The following STXBP4 variants were observed in gnomAD, a reference collection of about 807,000 sequenced individuals.
STXBP4 encodes syntaxin binding protein 4, also known as syntaxin-binding protein 4.
STXBP4 carries 55 observed loss-of-function variants against 76.1 expected under a neutral mutation model. The observed-to-expected ratio is 0.72, with a 90% CI of 0.58 to 0.91. STXBP4 has a LOEUF of 0.91. Ranked by LOEUF, STXBP4 falls within the 40% of genes least tolerant of loss-of-function variation. STXBP4 has a pLI of 0.00. For missense variants in STXBP4, 618 were observed against 636.9 expected (o/e 0.97, Z 0.32); for synonymous variants, 201 against 220.2 (o/e 0.91, Z 0.77).
At chr17:54,996,867 T>A (rs1047657130) in intron 4 of STXBP4, among the ~76,000 whole-genome samples, 3 of 152,258 alleles carry the variant, frequency 2.0e-5, no homozygotes, top group African/African-American at 4.8e-5. Context: ...GAAAACTATA[T>A]ACCAAAGTCA....
chr17:55,052,945 G>A lies in STXBP4; in HGVS notation c.1011+5791G>A, dbSNP rs565936324. Among the ~76,000 whole-genome samples, 43 of 142,874 alleles carry A rather than the reference G, an allele frequency of 3.0e-4. 1 individual carries two copies. Among genetic ancestry groups the A allele is most frequent in the South Asian group, 1.2e-3 (5 of 4,196 alleles). 93.7% of individuals were successfully genotyped at this position (142,874 alleles called of 152,430 possible). A position where few individuals can be genotyped will look rare whatever the true frequency, so the allele number is the denominator to read the frequency against. On this transcript the variant is annotated intron_variant, in intron 12 of 17. Coordinates refer to ENST00000376352, the MANE Select transcript of STXBP4 (RefSeq NM_178509.6). ...TGTGTGTGTGTGTGTGTGTGTGTGT[G>A]TGTGTGGGTTGTATTCTTTAGAAAT... is the stretch of plus-strand genomic sequence containing the variant.
chr17:55,106,921 G>T (rs2079642085), intron 16 of STXBP4, among the ~76,000 whole-genome samples: 1 of 152,182 alleles, frequency 6.6e-6, no homozygotes, highest in African/African-American at 2.4e-5. Flanking sequence ...TCTTGGGGTT[G>T]CTCTTCTTGA....
the STXBP4 span, among the ~76,000 whole-genome samples, chr17:55,187,573 G>A: frequency 6.6e-6 from 1 of 152,176 alleles, no homozygotes; most frequent in Admixed American, 6.5e-5. Context: ...AGCTGGCCCA[G>A]TGTTCCTCTC....
At chr17:55,017,224 G>A (rs1469902872) in intron 8 of STXBP4, among the ~76,000 whole-genome samples, 2 of 151,494 alleles carry the variant, frequency 1.3e-5, no homozygotes, top group East Asian at 1.9e-4. Context: ...TGTCTCTTTC[G>A]CCTCTCTGCC....
chr17:54,971,783 T>TTTTTTATTTTTATTTTTA (rs57706726), intron 1 of STXBP4, among the ~76,000 whole-genome samples: 33 of 151,970 alleles, frequency 2.2e-4, no homozygotes, highest in African/African-American at 7.3e-4. Context: ...TTTTCTTTCC[T>TTTTTTATTTTTATTTTTA]TTTTTATTTT....
Position 55,169,418 on chromosome 17 carries a change from G to A in STXBP4, c.*9507G>A, listed in dbSNP as rs893011708. 2 of 152,406 alleles carry A rather than the reference G, an allele frequency of 1.3e-5. No homozygotes were observed. Among genetic ancestry groups the A allele is most frequent in the Non-Finnish European group, 2.9e-5 (2 of 68,210 alleles). The allele number at this position is 152,406 out of a possible 1,614,324, so 9.4% of individuals were successfully genotyped here. On this transcript the variant is annotated 3_prime_UTR_variant, in exon 18 of 18. Transcript: ENST00000376352. ...CCAGGTGCTTCCAGCCTGCAATGCA[G>A]TCAAAGCATGTTCCTGTAGCCTGAG...
At chr17:55,117,854 A>G (rs539438597) in intron 16 of STXBP4, among the ~76,000 whole-genome samples, 24 of 152,004 alleles carry the variant, frequency 1.6e-4, no homozygotes, top group African/African-American at 5.5e-4. Context: ...TCCTTTCACC[A>G]ACAGATATTG....
At chr17:55,208,473 C>T in the STXBP4 span, among the ~76,000 whole-genome samples, 1 of 151,416 alleles carries the variant, frequency 6.6e-6, no homozygotes, top group East Asian at 1.9e-4. Context: ...TACATAGGTA[C>T]AACGTGAAAA....
chr17:55,128,925 CTTTTT>C (rs35073950), intron 16 of STXBP4, among the ~76,000 whole-genome samples: 1 of 86,276 alleles, frequency 1.2e-5, no homozygotes. Flanking sequence ...TGTAAGGATT[CTTTTT>C]TTTTTTTTTT....
At chr17:55,038,916 A>T (rs966047833) in intron 10 of STXBP4, among the ~76,000 whole-genome samples, 1 of 152,186 alleles carries the variant, frequency 6.6e-6, no homozygotes, top group African/African-American at 2.4e-5. Context: ...TACCAAAGGG[A>T]ACTGTATATG....
intron 16 of STXBP4, among the ~76,000 whole-genome samples, chr17:55,090,508 T>G (rs2079397010): frequency 6.6e-6 from 1 of 151,906 alleles, no homozygotes; most frequent in African/African-American, 2.4e-5. Context: ...TTGGTCAAAT[T>G]TTAGGGCAAT....
At chr17:55,185,183 CTTCT>C in the STXBP4 span, among the ~76,000 whole-genome samples, 1 of 147,768 alleles carries the variant, frequency 6.8e-6, no homozygotes, top group South Asian at 2.2e-4. Flanking sequence ...TTTTCTTCTT[CTTCT>C]TTTTCTTCTT....
the STXBP4 span, among the ~76,000 whole-genome samples, chr17:55,211,814 T>G: frequency 0.037 from 4,850 of 131,476 alleles, 380 homozygotes; most frequent in African/African-American, 0.13. Flanking sequence ...TTTTTTTTTT[T>G]TTTTTTTTTT....
Position 55,162,557 on chromosome 17 carries a change from C to G in STXBP4, c.*2646C>G, listed in dbSNP as rs539399964. 1 of 125,662 alleles carries G rather than the reference C, an allele frequency of 8.0e-6. No homozygotes were observed. Among genetic ancestry groups the G allele is most frequent in the South Asian group, 2.6e-4 (1 of 3,878 alleles). The allele number at this position is 125,662 out of a possible 1,614,324, so 7.8% of individuals were successfully genotyped here. A position where few individuals can be genotyped will look rare whatever the true frequency, so the allele number is the denominator to read the frequency against. On this transcript the variant is annotated 3_prime_UTR_variant, in exon 18 of 18. Transcript: ENST00000376352. ...ATTGCTAATCATTTCCTGGGTTCCA[C>G]TTACTCTTGATTTAAAAAAAAAAAA... is the stretch of plus-strand genomic sequence containing the variant.
chr17:54,970,662 A>G (rs867895966), intron 1 of STXBP4, among the ~76,000 whole-genome samples: 1 of 152,222 alleles, frequency 6.6e-6, no homozygotes, highest in Non-Finnish European at 1.5e-5. Flanking sequence ...TAATTTTCTT[A>G]CAGCATAGAC....
downstream of STXBP4, among the ~76,000 whole-genome samples, chr17:55,174,168 T>G (rs1380548721): frequency 1.3e-5 from 2 of 152,248 alleles, no homozygotes; most frequent in African/African-American, 4.8e-5. Context: ...CCCTTTTGCT[T>G]TTCAAGGTAA....
At chr17:55,101,957 G>C (rs1160104609) in intron 16 of STXBP4, among the ~76,000 whole-genome samples, 3 of 90,514 alleles carry the variant, frequency 3.3e-5, no homozygotes, top group African/African-American at 1.1e-4. Flanking sequence ...TCACATAAAA[G>C]TACAAATGTT....
At chr17:55,038,713 A>G (rs1200215369) in intron 10 of STXBP4, among the ~76,000 whole-genome samples, 1 of 152,042 alleles carries the variant, frequency 6.6e-6, no homozygotes, top group African/African-American at 2.4e-5. Context: ...ACCTAGCAAT[A>G]GCAGAATATA....
At chr17:55,132,042 C>T (rs939066804) in intron 16 of STXBP4, among the ~76,000 whole-genome samples, 7 of 152,198 alleles carry the variant, frequency 4.6e-5, no homozygotes, top group Admixed American at 1.3e-4. Context: ...TCTTTAAAAA[C>T]ATCATGTTAT....
Sources: allele counts gnomAD v4.1 joint callset (sites outside exome capture counted in the v4.1 genomes callset), GRCh38; gene constraint gnomAD v4.1.1; transcripts MANE v1.5; gene names NCBI Gene and HGNC (gene_info 2026-07-23, HGNC 2026-07-21).